Variants in GRIA4 observed in about 807,000 individuals in gnomAD.
The protein encoded by GRIA4 is glutamate ionotropic receptor AMPA type subunit 4, also known as glutamate receptor 4.
Under a neutral mutation model 104.0 loss-of-function variants are expected in GRIA4, and 34 were observed. That is an observed-to-expected ratio of 0.33 (90% CI 0.25 to 0.44). The LOEUF (loss-of-function observed/expected upper bound fraction) is 0.44, where lower values mean the gene tolerates loss of function less well. GRIA4 is among the 20% of genes least tolerant of loss of function. The pLI, the probability that GRIA4 is intolerant of heterozygous loss-of-function variation, is 1.00. For missense variants in GRIA4, 750 were observed against 1,096.5 expected (o/e 0.68, Z 4.46); for synonymous variants, 386 against 381.9 (o/e 1.01, Z -0.13).
intron 5 of GRIA4, among the ~76,000 whole-genome samples, chr11:105,880,640 C>T (rs1039407915): frequency 3.3e-5 from 5 of 151,810 alleles, no homozygotes; most frequent in East Asian, 1.9e-4. Context: ...AATAAAAAAC[C>T]GGTACTAAGA....
chr11:105,862,239 G>A, intron 5 of GRIA4, 31 bp downstream of exon 5: 1 of 1,266,440 alleles, frequency 7.9e-7, no homozygotes, highest in Non-Finnish European at 1.1e-6. Context: ...TTTTAACCTA[G>A]ACCCTATACA....
intron 12 of GRIA4, among the ~76,000 whole-genome samples, chr11:105,926,251 G>C (rs1947702026): frequency 6.6e-6 from 1 of 152,044 alleles, no homozygotes; most frequent in African/African-American, 2.4e-5. Flanking sequence ...TCTCAGAAAG[G>C]TATTTACAAA....
intron 3 of GRIA4, among the ~76,000 whole-genome samples, chr11:105,741,602 G>C (rs1184622451): frequency 6.6e-6 from 1 of 152,064 alleles, no homozygotes; most frequent in African/African-American, 2.4e-5. Flanking sequence ...TTCCAAGAAG[G>C]GAAGTGGCAA....
intron 13 of GRIA4, among the ~76,000 whole-genome samples, chr11:105,932,561 C>T (rs1293083942): frequency 6.6e-6 from 1 of 151,954 alleles, no homozygotes; most frequent in African/African-American, 2.4e-5. Flanking sequence ...AGAAAAAGGA[C>T]CTGGGTAAAT....
chr11:105,689,652 C>G (rs1288242547), intron 3 of GRIA4, among the ~76,000 whole-genome samples: 1 of 152,114 alleles, frequency 6.6e-6, no homozygotes, highest in Non-Finnish European at 1.5e-5. Flanking sequence ...AAAAAAGGAC[C>G]ACAATTAGGA....
At chr11:105,684,560 T>TATATAC (rs1555100435) in intron 3 of GRIA4, among the ~76,000 whole-genome samples, 4 of 137,902 alleles carry the variant, frequency 2.9e-5, no homozygotes, top group African/African-American at 7.7e-5. Flanking sequence ...TATATATATA[T>TATATAC]ACACACCTTT....
At chr11:105,688,962 T>C (rs954796510) in intron 3 of GRIA4, among the ~76,000 whole-genome samples, 10 of 151,792 alleles carry the variant, frequency 6.6e-5, no homozygotes, top group Non-Finnish European at 1.5e-4. Context: ...TAAAAAAAAA[T>C]GGCTTATAGT....
At chr11:105,872,790 A>G (rs1945664764) in intron 5 of GRIA4, among the ~76,000 whole-genome samples, 1 of 152,104 alleles carries the variant, frequency 6.6e-6, no homozygotes, top group African/African-American at 2.4e-5. Flanking sequence ...ATCATGTTCA[A>G]AAAGTATACC....
At chr11:105,660,795 A>G (rs946910146) in intron 3 of GRIA4, among the ~76,000 whole-genome samples, 1 of 151,620 alleles carries the variant, frequency 6.6e-6, no homozygotes, top group African/African-American at 2.4e-5. Flanking sequence ...CTATATATCT[A>G]TATCTCCATA....
At chr11:105,783,089 C>T (rs58674482) in intron 4 of GRIA4, among the ~76,000 whole-genome samples, 7,353 of 152,202 alleles carry the variant, frequency 0.048, 455 homozygotes, top group African/African-American at 0.14. Context: ...TCTTCTGAAA[C>T]TAAATTTTAT....
At chr11:105,787,331 G>C (rs1446110905) in intron 4 of GRIA4, among the ~76,000 whole-genome samples, 1 of 151,986 alleles carries the variant, frequency 6.6e-6, no homozygotes, top group South Asian at 2.1e-4. Flanking sequence ...TTAGGTAAAG[G>C]CTGTGTTAGA....
intron 6 of GRIA4, among the ~76,000 whole-genome samples, chr11:105,888,914 A>C (rs545850703): frequency 6.6e-6 from 1 of 152,186 alleles, no homozygotes; most frequent in East Asian, 1.9e-4. Context: ...CTGTTTTAGT[A>C]GAGTGTTTCA....
At chr11:105,890,693 C>T (rs1946424058) in intron 6 of GRIA4, among the ~76,000 whole-genome samples, 1 of 152,170 alleles carries the variant, frequency 6.6e-6, no homozygotes. Flanking sequence ...CCTGAACCTG[C>T]AGAAGGTCCA....
At chr11:105,879,213 G>A (rs1391990954) in intron 5 of GRIA4, among the ~76,000 whole-genome samples, 1 of 152,096 alleles carries the variant, frequency 6.6e-6, no homozygotes, top group Non-Finnish European at 1.5e-5. Context: ...ACCCTCCGTG[G>A]GCTGCACCCA....
At chr11:105,831,814 T>C (rs1273624876) in intron 4 of GRIA4, among the ~76,000 whole-genome samples, 1 of 151,986 alleles carries the variant, frequency 6.6e-6, no homozygotes, top group East Asian at 1.9e-4. Context: ...CCGCATAGCA[T>C]TGGCTTCATT....
At chr11:105,967,123 CCA>C (rs1555060209) in intron 14 of GRIA4, among the ~76,000 whole-genome samples, 1 of 151,744 alleles carries the variant, frequency 6.6e-6, no homozygotes, top group Non-Finnish European at 1.5e-5. Flanking sequence ...TAGAATAACA[CCA>C]GAGAAAATAA....
chr11:105,893,228 T>C (rs1333192379), intron 6 of GRIA4, among the ~76,000 whole-genome samples: 1 of 152,124 alleles, frequency 6.6e-6, no homozygotes, highest in East Asian at 1.9e-4. Context: ...CACTGATTTC[T>C]TCCTGACTAT....
intron 4 of GRIA4, among the ~76,000 whole-genome samples, chr11:105,760,538 A>T (rs1176187446): frequency 6.6e-6 from 1 of 152,152 alleles, no homozygotes; most frequent in Non-Finnish European, 1.5e-5. Context: ...GCAAGGTTAT[A>T]TTGGCCTTCT....
At chr11:105,897,507 A>C (rs989816907) in intron 6 of GRIA4, among the ~76,000 whole-genome samples, 1 of 151,922 alleles carries the variant, frequency 6.6e-6, no homozygotes, top group African/African-American at 2.4e-5. Context: ...ATAATGCTTC[A>C]AGCTTTTGCC....
Sources: gnomAD v4.1 joint callset for allele counts (sites outside exome capture counted in the v4.1 genomes callset) on GRCh38, gnomAD v4.1.1 for gene constraint, MANE v1.5 for transcripts, NCBI Gene and HGNC (gene_info 2026-07-23, HGNC 2026-07-21) for gene names.